CACNA1I: variants seen among roughly 807,000 people sequenced by gnomAD.
CACNA1I encodes calcium voltage-gated channel subunit alpha1 I, also known as voltage-dependent T-type calcium channel subunit alpha-1I.
A neutral mutation model predicts 201.6 loss-of-function variants in CACNA1I; 74 were observed. That is an observed-to-expected ratio of 0.37 (90% CI 0.30 to 0.45). The LOEUF is 0.45. Ranked by LOEUF, CACNA1I falls within the 20% of genes least tolerant of loss-of-function variation. The probability of loss-of-function intolerance (pLI) is 1.00; values close to 1 mark genes in which losing one functional copy is unlikely to be tolerated. For synonymous variants in CACNA1I, 1,431 were observed against 1,345.2 expected (o/e 1.06, Z -1.40); for missense variants, 2,346 against 3,138.1 (o/e 0.75, Z 6.03).
chr22:39,581,042 C>G (rs776815599), intron 1 of CACNA1I, among the ~76,000 whole-genome samples: 1 of 151,438 alleles, frequency 6.6e-6, no homozygotes, highest in Non-Finnish European at 1.5e-5. Context: ...GAGCCACACC[C>G]GAATCACACT....
At chr22:39,572,612 G>A (rs556464927) in intron 1 of CACNA1I, among the ~76,000 whole-genome samples, 13 of 152,232 alleles carry the variant, frequency 8.5e-5, no homozygotes, top group Admixed American at 3.3e-4. Context: ...GGCTCACAGC[G>A]TCTCAGGCTT....
intron 1 of CACNA1I, among the ~76,000 whole-genome samples, chr22:39,590,855 T>C (rs528647002): frequency 5.8e-4 from 89 of 152,324 alleles, no homozygotes; most frequent in African/African-American, 2.0e-3. Flanking sequence ...TTTTTGATTT[T>C]TATTTTTTGA....
chr22:39,681,376 G>A (rs182567185), intron 34 of CACNA1I, among the ~76,000 whole-genome samples: 3 of 152,330 alleles, frequency 2.0e-5, no homozygotes, highest in South Asian at 2.1e-4. Context: ...TGAAGCGAAC[G>A]GGGGAGTCAT....
Position 39,662,077 on chromosome 22 carries a change from C to G in CACNA1I, c.3014C>G (p.Ser1005Cys), listed in dbSNP as rs1055531468. 1 of 1,541,950 alleles carries G rather than the reference C, an allele frequency of 6.5e-7. No homozygotes were observed. ...KHKPPSAEHE[S>C]LLSAERGGGA... ...AAGCCGCCGTCGGCGGAGCATGAGT[C>G]CCTGCTCTCTGCGGAGCGCGGCGGC... Residue 1005 changes from serine (S) to cysteine (C), a missense_variant, in exon 17 of 37, where the codon TCC (serine) becomes TGC (cysteine). Coordinates refer to ENST00000402142, the MANE Select transcript of CACNA1I (RefSeq NM_021096.4).
chr22:39,677,304 T>G lies in CACNA1I; in HGVS notation c.4855-37T>G. 7.1e-7 allele frequency: 1 copy of G among 1,403,604 alleles called. No homozygotes were observed. The highest frequency in any genetic ancestry group is 9.8e-7 in the Non-Finnish European group (1 of 1,020,490). The allele number at this position is 1,403,604 out of a possible 1,614,324, so 86.9% of individuals were successfully genotyped here. A position where few individuals can be genotyped will look rare whatever the true frequency, so the allele number is the denominator to read the frequency against. On this transcript the variant is annotated intron_variant, in intron 29 of 36. Transcript: ENST00000402142. The surrounding 1 kb of genome is among the most constrained non-coding windows in gnomAD (Gnocchi z 4.8). ...CCAGGCCTGGTGCGCCCCCACCCGC[T>G]CCCCAGCCCCACCCGGCCTCACCTG...
In CACNA1I at chr22:39,650,000, C is replaced by A. The variant is rs530063777; in HGVS notation, c.1992+75C>A. 3 of 1,456,054 alleles carry A rather than the reference C, an allele frequency of 2.1e-6. No homozygotes were observed. In the African/African-American group the frequency reaches 4.2e-5, roughly 20 times the overall value. 90.2% of individuals were successfully genotyped at this position (1,456,054 alleles called of 1,614,324 possible). A position where few individuals can be genotyped will look rare whatever the true frequency, so the allele number is the denominator to read the frequency against. On this transcript the variant is annotated intron_variant, in intron 10 of 36. Coordinates refer to ENST00000402142, the MANE Select transcript of CACNA1I (RefSeq NM_021096.4). This position sits in a 1 kb window ranked among gnomAD's most constrained non-coding sequence, Gnocchi z 7.3. ...CAGGACCCTGCCCAGGCCTGGGCAG[C>A]CCCATCCATCTGCCTGGGTTTGTGT...
intron 3 of CACNA1I, among the ~76,000 whole-genome samples, chr22:39,602,385 T>C (rs138387988): frequency 1.3e-5 from 2 of 152,022 alleles, no homozygotes; most frequent in African/African-American, 4.8e-5. Context: ...TCTAAGCATC[T>C]TCTCTCAATC....
At chr22:39,572,825 C>T (rs373065964) in intron 1 of CACNA1I, among the ~76,000 whole-genome samples, 4 of 151,918 alleles carry the variant, frequency 2.6e-5, no homozygotes, top group East Asian at 3.9e-4. Context: ...GGCGCGATCT[C>T]GGCTCACTGC....
In CACNA1I at chr22:39,659,448, T is replaced by C. The variant is rs539588519; in HGVS notation, c.2346T>C (p.His782=). Residue 782 remains histidine, a synonymous_variant, in exon 13 of 37, where the codon CAT becomes CAC. Transcript: ENST00000402142. The surrounding 1 kb of genome is among the most constrained non-coding windows in gnomAD (Gnocchi z 4.3). Reference sequence around the variant, plus strand: ...CTTTCCCCAGCATCCTTGGGATGCATATTTTTGGCTGCAAGTTCAGCCTCC... The same window carrying C: ...CTTTCCCCAGCATCCTTGGGATGCACATTTTTGGCTGCAAGTTCAGCCTCC... The part of the protein sequence containing the change: ...FIFIFSILGM[H]IFGCKFSLRT... The C allele has an allele frequency of 1.4e-5, 22 of 1,560,922 alleles. No homozygotes were observed. The highest frequency in any genetic ancestry group is 1.9e-5 in the Non-Finnish European group (22 of 1,151,318).
intron 6 of CACNA1I, 99 bp from the exon 7 acceptor site, chr22:39,642,698 G>T: frequency 2.6e-6 from 2 of 762,448 alleles, no homozygotes; most frequent in Non-Finnish European, 4.5e-6. Flanking sequence ...TGTGTGATGC[G>T]TTCTGGCACA....
In CACNA1I at chr22:39,664,781, C is replaced by T. The variant is rs1328080012; in HGVS notation, c.3709C>T (p.Arg1237Cys). 2 of 1,563,400 alleles carry T rather than the reference C, an allele frequency of 1.3e-6. No homozygotes were observed. Among genetic ancestry groups the T allele is most frequent in the Non-Finnish European group, 1.7e-6 (2 of 1,148,136 alleles). Residue 1237 changes from arginine (R) to cysteine (C), a missense_variant, in exon 21 of 37, where the codon CGC (arginine) becomes TGC (cysteine). Coordinates refer to ENST00000402142, the MANE Select transcript of CACNA1I (RefSeq NM_021096.4). ...GTACTTCGGCGAGCAGGCGTACCTACGCAGCAGCTGGAACGTGCTGGATGG... is the reference window on the plus strand; with the variant it reads ...GTACTTCGGCGAGCAGGCGTACCTATGCAGCAGCTGGAACGTGCTGGATGG... ...GLYFGEQAYL[R>C]SSWNVLDGFL...
chr22:39,579,152 A>G (rs1372097561), intron 1 of CACNA1I, among the ~76,000 whole-genome samples: 1 of 152,358 alleles, frequency 6.6e-6, no homozygotes, highest in East Asian at 1.9e-4. Context: ...AATGCCCAGC[A>G]CAGGCCTGGC....
chr22:39,665,015 C>T lies in CACNA1I; in HGVS notation c.3851+92C>T. 8.3e-7 allele frequency: 1 copy of T among 1,201,574 alleles called. No individual in the cohort carries two copies. 74.4% of individuals were successfully genotyped at this position (1,201,574 alleles called of 1,614,324 possible). On this transcript the variant is annotated intron_variant, in intron 21 of 36. Transcript: ENST00000402142. This position sits in a 1 kb window ranked among gnomAD's most constrained non-coding sequence, Gnocchi z 5.5. ...TTGGGCCCTCACTCCGCCCTCCCCGCCCGCCCACTCGGTCCTCCAATAGTG... is the reference window on the plus strand; with the variant it reads ...TTGGGCCCTCACTCCGCCCTCCCCGTCCGCCCACTCGGTCCTCCAATAGTG...
chr22:39,658,854 C>G, intron 11 of CACNA1I, 77 bp from the exon 12 acceptor site: 1 of 1,236,914 alleles, frequency 8.1e-7, no homozygotes, highest in Non-Finnish European at 1.1e-6. Flanking sequence ...TTTCCCTTCT[C>G]CCTCTGTCTT....
chr22:39,603,653 C>A (rs1601810501), intron 3 of CACNA1I, among the ~76,000 whole-genome samples: 1 of 152,048 alleles, frequency 6.6e-6, no homozygotes, highest in African/African-American at 2.4e-5. Flanking sequence ...TGGAAGTAAC[C>A]CTGTACCAAA....
chr22:39,616,823 G>A (rs1251240802), intron 3 of CACNA1I, among the ~76,000 whole-genome samples: 1 of 152,098 alleles, frequency 6.6e-6, no homozygotes, highest in African/African-American at 2.4e-5. Context: ...TCATCAAGGG[G>A]CTGAGTTGTG....
Position 39,682,740 on chromosome 22 carries a change from TC to T in CACNA1I, c.5830+81del. On this transcript the variant is annotated intron_variant, in intron 35 of 36. Transcript: ENST00000402142. ...TTCAGAGGGAGATGGCTGAGTTTTT[TC>T]CTTAGTATTTTTACCCAGATTATTA... is the stretch of plus-strand genomic sequence containing the variant. The T allele has an allele frequency of 2.3e-6, 3 of 1,295,042 alleles. No homozygotes were observed. In the South Asian group the frequency reaches 4.4e-5, roughly 19 times the overall value. The allele number at this position is 1,295,042 out of a possible 1,614,324, so 80.2% of individuals were successfully genotyped here. A position where few individuals can be genotyped will look rare whatever the true frequency, so the allele number is the denominator to read the frequency against.
chr22:39,683,423 G>A (rs946254731), intron 35 of CACNA1I, among the ~76,000 whole-genome samples: 1 of 152,126 alleles, frequency 6.6e-6, no homozygotes, highest in Admixed American at 6.5e-5. Flanking sequence ...GAGCTGATGG[G>A]CTCTCAGCTG....
intron 3 of CACNA1I, among the ~76,000 whole-genome samples, chr22:39,606,517 T>G (rs1933225322): frequency 6.6e-6 from 1 of 152,208 alleles, no homozygotes; most frequent in Non-Finnish European, 1.5e-5. Flanking sequence ...TTGTGTTTGG[T>G]TGAACCCAAC....
Sources: gnomAD v4.1 joint callset for allele counts (sites outside exome capture counted in the v4.1 genomes callset) on GRCh38, gnomAD v4.1.1 for gene constraint, Gnocchi (gnomAD v3.1) non-coding constraint, MANE v1.5 for transcripts, NCBI Gene and HGNC (gene_info 2026-07-23, HGNC 2026-07-21) for gene names.